The following KLRB1 variants were observed in gnomAD, a reference collection of about 807,000 sequenced individuals.
KLRB1 encodes killer cell lectin like receptor B1.
KLRB1 carries 27 observed loss-of-function variants against 33.5 expected under a neutral mutation model. The ratio of observed to expected loss-of-function variants is 0.81; its 90% CI spans 0.59 to 1.11. KLRB1 has a LOEUF of 1.11. Among genes scored for constraint, KLRB1 ranks in the 50% most tolerant of loss-of-function variants. The probability of loss-of-function intolerance (pLI) is 0.00; values close to 1 mark genes in which losing one functional copy is unlikely to be tolerated. For synonymous variants in KLRB1, 64 were observed against 88.9 expected (o/e 0.72, Z 1.58); for missense variants, 241 against 254.1 (o/e 0.95, Z 0.35).
chr12:9,604,901 C>A (rs908664909), intron 1 of KLRB1, among the ~76,000 whole-genome samples: 1 of 151,972 alleles, frequency 6.6e-6, no homozygotes, highest in Admixed American at 6.6e-5. Context: ...AGGTTTGTTA[C>A]ATATGTATAC....
chr12:9,595,156 C>A lies in KLRB1; in HGVS notation c.*118G>T. Reference sequence around the variant, plus strand: ...AAGATTCATAACAGTTGTCAATTCTCAGAATTGTTCACTTTGTGCCACTAA... The same window carrying A: ...AAGATTCATAACAGTTGTCAATTCTAAGAATTGTTCACTTTGTGCCACTAA... On this transcript the variant is annotated 3_prime_UTR_variant, in exon 6 of 6. Transcript: ENST00000229402. 1 of 787,436 alleles carries A rather than the reference C, an allele frequency of 1.3e-6. No homozygotes were observed. The highest frequency in any genetic ancestry group is 2.1e-6 in the Non-Finnish European group (1 of 477,776). 48.8% of individuals were successfully genotyped at this position (787,436 alleles called of 1,614,324 possible).
intron 4 of KLRB1, 77 bp downstream of exon 4, chr12:9,598,422 C>T (rs188500977): frequency 1.6e-6 from 2 of 1,270,712 alleles, no homozygotes; most frequent in Admixed American, 2.5e-5. Context: ...CATAAAACCC[C>T]TGGGCTAATG....
intron 1 of KLRB1, among the ~76,000 whole-genome samples, chr12:9,605,112 T>A (rs1384544068): frequency 6.6e-6 from 1 of 152,160 alleles, no homozygotes; most frequent in Non-Finnish European, 1.5e-5. Flanking sequence ...CTTGTGATAG[T>A]TTGCTCAGAA....
chr12:9,595,531 T>A, intron 5 of KLRB1, 110 bp from the exon 6 acceptor site: 1 of 1,001,904 alleles, frequency 1.0e-6, no homozygotes, highest in African/African-American at 1.6e-5. Flanking sequence ...GATAAACTAT[T>A]AAACAAAGAA....
At chr12:9,604,852 A>G (rs1864582486) in intron 1 of KLRB1, among the ~76,000 whole-genome samples, 1 of 151,524 alleles carries the variant, frequency 6.6e-6, no homozygotes, top group Non-Finnish European at 1.5e-5. Flanking sequence ...TTTATTTTTT[A>G]TTATACTTTA....
At chr12:9,607,355 C>CTTTCTTCCTTTCTTTCTTT (rs1555097796) in intron 1 of KLRB1, among the ~76,000 whole-genome samples, 2 of 52,772 alleles carry the variant, frequency 3.8e-5, no homozygotes, top group Non-Finnish European at 8.7e-5. Context: ...TTTCTTTCTT[C>CTTTCTTCCTTTCTTTCTTT]CTTTCTTTCT....
Position 9,598,608 on chromosome 12 carries a change from C to T in KLRB1, c.305G>A (p.Arg102Gln), listed in dbSNP as rs774696398. The change falls in exon 4 of 6, where the codon CGA becomes CAA. Residue 102 changes from arginine (R) to glutamine (Q), a missense_variant. Arg to Gln is a conservative substitution (Grantham distance 43). Transcript: ENST00000229402. ...GTGAGAAAATAACAAGCATTTCTCT[C>T]GGAGTTGCTGCCAATATATTGGGCA... The part of the protein sequence containing the change: ...LNCPIYWQQL[R>Q]EKCLLFSHTV... The T allele has an allele frequency of 1.7e-5, 28 of 1,612,882 alleles. No homozygotes were observed. The East Asian group carries it at 1.8e-4, about 10-fold the overall frequency.
chr12:9,595,305 G>A lies in KLRB1; in HGVS notation c.647C>T (p.Pro216Leu), dbSNP rs1283565510. The A allele has an allele frequency of 6.2e-7, 1 of 1,613,324 alleles. No homozygotes were observed. The highest frequency in any genetic ancestry group is 1.1e-5 in the South Asian group (1 of 91,058). Residue 216 changes from proline to leucine, a missense_variant, in exon 6 of 6, where the codon CCT (proline) becomes CTT (leucine). By Grantham distance (98) the Pro-to-Leu change is moderately conservative (BLOSUM62 -3). Coordinates refer to ENST00000229402, the MANE Select transcript of KLRB1 (RefSeq NM_002258.3). ...GTCAGGATACACTTTATTTCTCACA[G>A]GTGTTAGTTCTTTTTGGCAGATCCA... ...IRWICQKELT[P>L]VRNKVYPDS
intron 3 of KLRB1, among the ~76,000 whole-genome samples, chr12:9,599,046 A>G (rs1286930903): frequency 2.6e-5 from 4 of 152,252 alleles, no homozygotes; most frequent in African/African-American, 9.6e-5. Context: ...TTCACTGCAC[A>G]GGCAACAATA....
At chr12:9,607,335 C>CTCT (rs1491505010) in intron 1 of KLRB1, among the ~76,000 whole-genome samples, 2 of 65,170 alleles carry the variant, frequency 3.1e-5, no homozygotes, top group African/African-American at 4.2e-5. Flanking sequence ...CTCTTTCTTT[C>CTCT]CTTTCTTTCT....
chr12:9,599,964 A>ACAACAG, intron 2 of KLRB1, 123 bp from the exon 3 acceptor site: 1 of 590,344 alleles, frequency 1.7e-6, no homozygotes, highest in South Asian at 2.0e-5. Flanking sequence ...AGAAAATAAA[A>ACAACAG]GTATTAGCGA....
At chr12:9,607,335 C>CTTCCTTCCTTCCTTTCTTT (rs1491505010) in intron 1 of KLRB1, among the ~76,000 whole-genome samples, 3 of 65,170 alleles carry the variant, frequency 4.6e-5, no homozygotes, top group Non-Finnish European at 1.1e-4. Context: ...CTCTTTCTTT[C>CTTCCTTCCTTCCTTTCTTT]CTTTCTTTCT....
intron 3 of KLRB1, among the ~76,000 whole-genome samples, chr12:9,599,104 T>C (rs1388189322): frequency 6.6e-6 from 1 of 152,230 alleles, no homozygotes; most frequent in Non-Finnish European, 1.5e-5. Flanking sequence ...ACAAAATGCA[T>C]AGCAAATAAT....
intron 3 of KLRB1, among the ~76,000 whole-genome samples, chr12:9,599,197 T>C (rs1322387663): frequency 6.6e-6 from 1 of 152,212 alleles, no homozygotes; most frequent in Non-Finnish European, 1.5e-5. Context: ...ATTTACCTAC[T>C]TAATGTGATC....
chr12:9,603,120 G>A (rs558207138), intron 1 of KLRB1, among the ~76,000 whole-genome samples: 1 of 152,176 alleles, frequency 6.6e-6, no homozygotes, highest in Non-Finnish European at 1.5e-5. Context: ...GTGGAGGGGG[G>A]CAGGGAGGAG....
chr12:9,596,206 G>C (rs1864491162), intron 5 of KLRB1, among the ~76,000 whole-genome samples: 1 of 152,140 alleles, frequency 6.6e-6, no homozygotes, highest in Non-Finnish European at 1.5e-5. Flanking sequence ...TTAGTCCTTT[G>C]TTCCATTTTC....
chr12:9,600,750 C>A (rs1864531892), intron 2 of KLRB1, among the ~76,000 whole-genome samples: 1 of 151,708 alleles, frequency 6.6e-6, no homozygotes, highest in African/African-American at 2.4e-5. Flanking sequence ...CCCAGGGACA[C>A]AAAAACTGCG....
At chr12:9,605,667 T>A (rs748868305) in intron 1 of KLRB1, among the ~76,000 whole-genome samples, 1 of 152,340 alleles carries the variant, frequency 6.6e-6, no homozygotes, top group South Asian at 2.1e-4. Flanking sequence ...GTTGACTGCC[T>A]TAGACACAAT....
chr12:9,602,208 A>G (rs1286329737), intron 1 of KLRB1, among the ~76,000 whole-genome samples: 1 of 152,214 alleles, frequency 6.6e-6, no homozygotes, highest in Non-Finnish European at 1.5e-5. Context: ...CACTAGTATA[A>G]CATAACATGC....
Sources: allele counts gnomAD v4.1 joint callset (sites outside exome capture counted in the v4.1 genomes callset), GRCh38; gene constraint gnomAD v4.1.1; transcripts MANE v1.5; gene names NCBI Gene and HGNC (gene_info 2026-07-23, HGNC 2026-07-21).